Variants in DAG1 observed in about 807,000 individuals in gnomAD.
DAG1 encodes the protein dystroglycan 1.
A neutral mutation model predicts 46.1 loss-of-function variants in DAG1; 8 were observed. That is an observed-to-expected ratio of 0.17 (90% confidence interval 0.10 to 0.31). The LOEUF (loss-of-function observed/expected upper bound fraction) is 0.31. Among genes scored for constraint, DAG1 ranks in the 10% least tolerant of loss-of-function variants. The pLI, the probability that DAG1 is intolerant of heterozygous loss-of-function variation, is 1.00. For missense variants in DAG1, 1,003 were observed against 1,189.9 expected, an observed-to-expected ratio of 0.84 and a Z score of 2.31; for synonymous variants, 495 against 481.8, an observed-to-expected ratio of 1.03 and a Z score of -0.36.
chr3:49,480,479 GTGTTAGCCAGGAGACC>G (rs893315356), intron 1 of DAG1, among the ~76,000 whole-genome samples: 41 of 150,600 alleles, frequency 2.7e-4, no homozygotes, highest in Admixed American at 4.0e-4. Flanking sequence ...GGGTTTCACT[GTGTTAGCCAGGAGACC>G]TGTTAGCCAG....
At chr3:49,483,929 C>T (rs1413479185) in intron 1 of DAG1, among the ~76,000 whole-genome samples, 2 of 152,144 alleles carry the variant, frequency 1.3e-5, no homozygotes, top group African/African-American at 2.4e-5. Context: ...GTTGGGATTA[C>T]AGGCGTGAGC....
intron 1 of DAG1, among the ~76,000 whole-genome samples, chr3:49,478,463 A>G: frequency 7.7e-6 from 1 of 130,274 alleles, no homozygotes; most frequent in African/African-American, 2.8e-5. Flanking sequence ...AAATTAGTTG[A>G]GTGTGGTGGC....
intron 1 of DAG1, among the ~76,000 whole-genome samples, chr3:49,489,106 T>A (rs2050113951): frequency 6.6e-6 from 1 of 151,986 alleles, no homozygotes; most frequent in Non-Finnish European, 1.5e-5. Context: ...ACCTTTTTTT[T>A]TTTTTTGAGA....
Position 49,513,311 on chromosome 3 carries a change from C to T in DAG1, c.285+2492C>T, listed in dbSNP as rs983475277. Among the ~76,000 whole-genome samples the T allele has an allele frequency of 6.6e-5, 10 of 151,964 alleles. 1 individual carries two copies. In the South Asian group the frequency reaches 8.3e-4, roughly 13 times the overall value. Reference sequence around the variant, plus strand: ...GGGCTGCTTAGGTGTCCTCAAAGCACGATAGATGGATTTTAAGATTAGGTA... The same window carrying T: ...GGGCTGCTTAGGTGTCCTCAAAGCATGATAGATGGATTTTAAGATTAGGTA... On this transcript the variant is annotated intron_variant, in intron 2 of 2. Transcript: ENST00000308775.
At position 49,532,652 on chromosome 3, in the gene DAG1, G is replaced by A. The variant is rs201488118; in HGVS notation, c.2141G>A (p.Arg714Gln). 11 of 1,613,930 alleles carry A rather than the reference G, an allele frequency of 6.8e-6. No individual in the cohort carries two copies. The East Asian group carries it at 8.9e-5, about 13-fold the overall frequency. The change falls in exon 3 of 3, where the codon CGG becomes CAG. Residue 714 changes from arginine (R) to glutamine (Q), a missense_variant. Physicochemically the swap from Arg to Gln is conservative, Grantham distance 43. Around this residue, in one of 3 missense-constraint regions of DAG1, gnomAD observed 755 missense variants for 854.1 expected, o/e 0.88. Coordinates refer to ENST00000308775, the MANE Select transcript of DAG1 (RefSeq NM_004393.6). The surrounding 1 kb of genome is among the most constrained non-coding windows in gnomAD (Gnocchi z 5.4). ...SITVTGSGSC[R>Q]HLQFIPVVPP... ...ACTGTGACGGGCTCTGGCAGTTGTCGGCACCTACAGTTTATCCCTGTGGTA... is the reference window on the plus strand; with the variant it reads ...ACTGTGACGGGCTCTGGCAGTTGTCAGCACCTACAGTTTATCCCTGTGGTA...
chr3:49,505,781 C>G (rs1173529253), intron 1 of DAG1, among the ~76,000 whole-genome samples: 10 of 151,790 alleles, frequency 6.6e-5, no homozygotes, highest in Non-Finnish European at 1.2e-4. Context: ...AAACAATTCT[C>G]CTGCCTCAGC....
In DAG1 at chr3:49,533,203, G is replaced by T; in HGVS notation, c.*4G>T. On this transcript the variant is annotated 3_prime_UTR_variant, in exon 3 of 3. Transcript: ENST00000308775. ...TCCTCCCTATGTCCCACCTTAACCC[G>T]CAAGCGCCTGGGTGGAGGCAGGGTA... 2.5e-6 allele frequency: 4 copies of T among 1,611,352 alleles called. No individual in the cohort carries two copies. Among genetic ancestry groups the T allele is most frequent in the Non-Finnish European group, 1.7e-6 (2 of 1,179,920 alleles).
chr3:49,486,841 C>T (rs904779598), intron 1 of DAG1, among the ~76,000 whole-genome samples: 1 of 152,058 alleles, frequency 6.6e-6, no homozygotes, highest in African/African-American at 2.4e-5. Context: ...TGGGTATATA[C>T]CTAAGAGTGA....
At chr3:49,530,740 A>C (rs761335215) in intron 2 of DAG1, 57 bp from the exon 3 acceptor site, 120 of 1,612,504 alleles carry the variant, frequency 7.4e-5, no homozygotes, top group Non-Finnish European at 8.5e-5. Flanking sequence ...TGTTGTGATC[A>C]TATTCAGGTT....
At chr3:49,506,401 CA>C (rs751944359) in intron 1 of DAG1, among the ~76,000 whole-genome samples, 6 of 152,334 alleles carry the variant, frequency 3.9e-5, no homozygotes, top group South Asian at 2.1e-4. Flanking sequence ...CTCAGTTTGT[CA>C]CCAGTAAATA....
chr3:49,507,371 T>TTCAA (rs1346895260), intron 1 of DAG1, among the ~76,000 whole-genome samples: 4 of 152,174 alleles, frequency 2.6e-5, no homozygotes, highest in African/African-American at 9.6e-5. Flanking sequence ...AAGACCAGCC[T>TTCAA]GGTCAACGTG....
rs181322145 is a variant in DAG1, at chr3:49,475,667, T to A, written c.-117+5234T>A. Among the ~76,000 whole-genome samples the A allele has an allele frequency of 8.2e-3, 1,238 of 151,762 alleles. 7 individuals carry two copies. The highest frequency in any genetic ancestry group is 0.019 in the Admixed American group (281 of 15,146). ...AGGAATAGGGTTCTCTGTTTTCCAA[T>A]TTCTTAGGTTTGATAGCTAAGCATT... On this transcript the variant is annotated intron_variant, in intron 1 of 2. Coordinates refer to ENST00000308775, the MANE Select transcript of DAG1 (RefSeq NM_004393.6).
chr3:49,470,119 G>C (rs917398415), upstream of DAG1: 63 of 151,586 alleles, frequency 4.2e-4, no homozygotes, highest in South Asian at 4.1e-4. Flanking sequence ...GCGCGCTGCG[G>C]AGCGGCCGAC....
In DAG1 at chr3:49,527,835, T is replaced by C. The variant is rs117313928; in HGVS notation, c.286-2962T>C. On this transcript the variant is annotated intron_variant, in intron 2 of 2. Transcript: ENST00000308775. Reference sequence around the variant, plus strand: ...TCTAGCCAGCCATTTGGCTCCCTTCTTCTAGTCCCTCTCAACCTTGTTCAG... The same window carrying C: ...TCTAGCCAGCCATTTGGCTCCCTTCCTCTAGTCCCTCTCAACCTTGTTCAG... Among the ~76,000 whole-genome samples, 26 of 152,362 alleles carry C rather than the reference T, an allele frequency of 1.7e-4. No individual in the cohort carries two copies. The East Asian group carries it at 4.6e-3, about 27-fold the overall frequency.
At chr3:49,471,404 G>A (rs2106705440) in intron 1 of DAG1, among the ~76,000 whole-genome samples, 1 of 151,844 alleles carries the variant, frequency 6.6e-6, no homozygotes, top group Admixed American at 6.6e-5. Context: ...GTTTTATCAG[G>A]TTCTATGCTT....
intron 2 of DAG1, among the ~76,000 whole-genome samples, chr3:49,530,586 T>C (rs1559576838): frequency 6.6e-6 from 1 of 152,118 alleles, no homozygotes; most frequent in Admixed American, 6.5e-5. Flanking sequence ...GGTGAGATAT[T>C]TGCCTCCCAA....
chr3:49,501,947 C>T (rs1056078839), intron 1 of DAG1, among the ~76,000 whole-genome samples: 3 of 152,156 alleles, frequency 2.0e-5, no homozygotes, highest in Non-Finnish European at 4.4e-5. Flanking sequence ...GAGGCCAAGG[C>T]AGGAGGATTG....
chr3:49,525,476 C>T (rs1480046247), intron 2 of DAG1, among the ~76,000 whole-genome samples: 1 of 152,038 alleles, frequency 6.6e-6, no homozygotes, highest in Non-Finnish European at 1.5e-5. Context: ...AGGAAGCTTC[C>T]AATCATAGTG....
intron 2 of DAG1, among the ~76,000 whole-genome samples, chr3:49,513,231 T>G (rs1484059486): frequency 6.6e-6 from 1 of 152,160 alleles, no homozygotes; most frequent in African/African-American, 2.4e-5. Flanking sequence ...GACAGGGAGC[T>G]TAGCTGGGGC....
Sources: allele counts gnomAD v4.1 joint callset (sites outside exome capture counted in the v4.1 genomes callset), GRCh38; gene constraint gnomAD v4.1.1; regional missense constraint gnomAD v4.1.1; non-coding constraint Gnocchi (gnomAD v3.1); transcripts MANE v1.5; gene names NCBI Gene and HGNC (gene_info 2026-07-23, HGNC 2026-07-21).